Variants in AFF3 observed in about 807,000 individuals in gnomAD.
AFF3 encodes the protein ALF transcription elongation factor 3.
Under a neutral mutation model 129.7 loss-of-function variants are expected in AFF3, and 32 were observed. The observed-to-expected ratio is 0.25, with a 90% CI of 0.19 to 0.33. AFF3 has a LOEUF of 0.33. Among genes scored for constraint, AFF3 ranks in the 10% least tolerant of loss-of-function variants. The pLI, the probability that AFF3 is intolerant of heterozygous loss-of-function variation, is 1.00. For missense variants in AFF3, 1,373 were observed against 1,592.0 expected (o/e 0.86, Z 2.34); for synonymous variants, 644 against 635.4 (o/e 1.01, Z -0.20).
At position 99,973,298 on chromosome 2, in the gene AFF3, G is replaced by A. The variant is rs574042002; in HGVS notation, c.873+33334C>T. ...GCATTCCACCTGCTCCCTAGCAAAG[G>A]ACTTCTTTGTTAAGCTTTGACATAA... On this transcript the variant is annotated intron_variant, in intron 7 of 24. Transcript: ENST00000672756. Among the ~76,000 whole-genome samples the A allele has an allele frequency of 2.6e-5, 4 of 152,260 alleles. No homozygotes were observed. The South Asian group carries it at 8.3e-4, about 32-fold the overall frequency.
Position 99,551,135 on chromosome 2 carries a change from G to C in AFF3, c.*339C>G, listed in dbSNP as rs990397918. 1 of 439,916 alleles carries C rather than the reference G, an allele frequency of 2.3e-6. No individual in the cohort carries two copies. Among genetic ancestry groups the C allele is most frequent in the African/African-American group, 2.0e-5 (1 of 50,430 alleles). 27.3% of individuals were successfully genotyped at this position (439,916 alleles called of 1,614,324 possible). On this transcript the variant is annotated 3_prime_UTR_variant, in exon 25 of 25. Coordinates refer to ENST00000672756, the MANE Select transcript of AFF3 (RefSeq NM_001386135.1). ...AATGGAATAGAAAGTGTGTGTCTGT[G>C]ATTGTGTGTGAGTGTACGGTGTGTG...
chr2:99,804,886 T>G (rs530265371), intron 8 of AFF3, among the ~76,000 whole-genome samples: 3 of 152,116 alleles, frequency 2.0e-5, no homozygotes, highest in South Asian at 4.1e-4. Context: ...GCTATGGATA[T>G]GCAAAGGTAT....
intron 4 of AFF3, among the ~76,000 whole-genome samples, chr2:100,082,595 T>G (rs1403562287): frequency 6.6e-6 from 1 of 152,172 alleles, no homozygotes; most frequent in Non-Finnish European, 1.5e-5. Context: ...ATCAGTTACG[T>G]TAAAGCTGTT....
chr2:99,974,821 G>A (rs1051774653), intron 7 of AFF3, among the ~76,000 whole-genome samples: 2 of 152,220 alleles, frequency 1.3e-5, no homozygotes, highest in African/African-American at 4.8e-5. Context: ...ACCCACTGGT[G>A]CCCATGGAGA....
intron 8 of AFF3, among the ~76,000 whole-genome samples, chr2:99,826,916 G>A (rs1380680129): frequency 6.6e-6 from 1 of 152,128 alleles, no homozygotes; most frequent in Non-Finnish European, 1.5e-5. Context: ...GATGGTGGAT[G>A]AACAAGGAGA....
intron 20 of AFF3, among the ~76,000 whole-genome samples, chr2:99,563,335 T>C (rs1338935759): frequency 6.6e-6 from 1 of 151,450 alleles, no homozygotes; most frequent in Non-Finnish European, 1.5e-5. Flanking sequence ...GGACTACAGG[T>C]GCCGGCCACC....
chr2:100,036,036 C>CTCTT (rs1434701768), intron 4 of AFF3, among the ~76,000 whole-genome samples: 1 of 150,112 alleles, frequency 6.7e-6, no homozygotes, highest in East Asian at 2.0e-4. Context: ...TTTAATCTAC[C>CTCTT]TCTTGGCTTA....
At chr2:100,001,448 A>C (rs576734088) in intron 7 of AFF3, among the ~76,000 whole-genome samples, 4 of 152,084 alleles carry the variant, frequency 2.6e-5, no homozygotes, top group Non-Finnish European at 5.9e-5. Context: ...GGTTTTTTTG[A>C]GACGGAGTCT....
chr2:100,002,472 T>G (rs1166129379), intron 7 of AFF3, among the ~76,000 whole-genome samples: 1 of 152,264 alleles, frequency 6.6e-6, no homozygotes, highest in East Asian at 1.9e-4. Context: ...ATTCTATGAT[T>G]AATCAATACA....
intron 13 of AFF3, among the ~76,000 whole-genome samples, chr2:99,644,460 TG>T (rs1272349109): frequency 6.6e-6 from 1 of 152,238 alleles, no homozygotes; most frequent in Non-Finnish European, 1.5e-5. Context: ...CCCAAGTTAC[TG>T]CAAATGATGC....
chr2:99,780,085 T>A (rs958874457), intron 8 of AFF3, among the ~76,000 whole-genome samples: 1 of 152,186 alleles, frequency 6.6e-6, no homozygotes, highest in Non-Finnish European at 1.5e-5. Context: ...GTTGTTCTGA[T>A]CACTGTAGGA....
intron 8 of AFF3, among the ~76,000 whole-genome samples, chr2:99,755,079 C>G (rs73964307): frequency 2.5e-4 from 38 of 152,228 alleles, no homozygotes; most frequent in African/African-American, 9.2e-4. Context: ...CCACAGAAGG[C>G]AGATGACACA....
At chr2:100,074,938 G>C (rs1408372272) in intron 4 of AFF3, among the ~76,000 whole-genome samples, 1 of 152,214 alleles carries the variant, frequency 6.6e-6, no homozygotes, top group Non-Finnish European at 1.5e-5. Flanking sequence ...GAAGCCTGCA[G>C]AGATAAAAGT....
chr2:99,743,981 CCA>C lies in AFF3; in HGVS notation c.1039+121_1039+122del. On this transcript the variant is annotated intron_variant, in intron 10 of 24. Coordinates refer to ENST00000672756, the MANE Select transcript of AFF3 (RefSeq NM_001386135.1). ...GCACTTGAACAAATGGCCCCTTTCC[CCA>C]GTTTTTTAGTGAATTTCTTTGAAAC... The C allele has an allele frequency of 8.9e-6, 7 of 782,620 alleles. No homozygotes were observed. In the East Asian group the frequency reaches 2.1e-4, roughly 23 times the overall value. The allele number at this position is 782,620 out of a possible 1,614,324, so 48.5% of individuals were successfully genotyped here.
intron 7 of AFF3, among the ~76,000 whole-genome samples, chr2:99,994,053 G>T (rs564711500): frequency 6.6e-6 from 1 of 151,632 alleles, no homozygotes; most frequent in South Asian, 2.1e-4. Flanking sequence ...TGATCCACCC[G>T]CCTCAGCCTC....
chr2:99,705,417 G>A (rs1203553969), intron 11 of AFF3, among the ~76,000 whole-genome samples: 1 of 152,026 alleles, frequency 6.6e-6, no homozygotes. Context: ...TGAGGTCAAC[G>A]GCACCAGAGG....
At chr2:99,801,213 C>A (rs968309777) in intron 8 of AFF3, among the ~76,000 whole-genome samples, 3 of 152,134 alleles carry the variant, frequency 2.0e-5, no homozygotes, top group Non-Finnish European at 4.4e-5. Flanking sequence ...AGACTTCATA[C>A]ATGTAATACT....
intron 15 of AFF3, among the ~76,000 whole-genome samples, chr2:99,590,353 G>C (rs183583985): frequency 8.5e-5 from 13 of 152,212 alleles, no homozygotes; most frequent in African/African-American, 3.1e-4. Flanking sequence ...GGAACACAGT[G>C]AGTCAAAGCT....
At chr2:99,775,641 T>C (rs1388912942) in intron 8 of AFF3, among the ~76,000 whole-genome samples, 1 of 151,708 alleles carries the variant, frequency 6.6e-6, no homozygotes, top group East Asian at 1.9e-4. Context: ...TTTAACTATG[T>C]AGCAAACTCG....
Sources: gnomAD v4.1 joint callset for allele counts (sites outside exome capture counted in the v4.1 genomes callset) on GRCh38, gnomAD v4.1.1 for gene constraint, MANE v1.5 for transcripts, NCBI Gene and HGNC (gene_info 2026-07-23, HGNC 2026-07-21) for gene names.